Variants in WASF2 observed in about 807,000 individuals in gnomAD.
WASF2 encodes the protein WASP family member 2.
Under a neutral mutation model 45.0 loss-of-function variants are expected in WASF2, and 14 were observed. The observed-to-expected ratio is 0.31, with a 90% CI of 0.21 to 0.49. The LOEUF is 0.49. WASF2 is among the 20% of genes least tolerant of loss of function. WASF2 has a pLI of 0.99. For synonymous variants in WASF2, 200 were observed against 236.3 expected, an observed-to-expected ratio of 0.85 and a Z score of 1.41; for missense variants, 439 against 636.1, an observed-to-expected ratio of 0.69 and a Z score of 3.33.
At chr1:27,462,445 G>A (rs1230289137) in intron 1 of WASF2, among the ~76,000 whole-genome samples, 5 of 151,902 alleles carry the variant, frequency 3.3e-5, no homozygotes, top group African/African-American at 7.3e-5. Flanking sequence ...TCTTTTACCC[G>A]TTGTCTCACT....
chr1:27,467,613 A>G (rs1035202419), intron 1 of WASF2, among the ~76,000 whole-genome samples: 22 of 150,782 alleles, frequency 1.5e-4, no homozygotes, highest in Non-Finnish European at 2.5e-4. Flanking sequence ...AATAAAGTAT[A>G]TTATTAAAAT....
In WASF2 at chr1:27,414,994, T is replaced by G. The variant is rs749693169; in HGVS notation, c.538-31A>C. 1.2e-6 allele frequency: 2 copies of G among 1,608,558 alleles called. No homozygotes were observed. Among genetic ancestry groups the G allele is most frequent in the Non-Finnish European group, 1.7e-6 (2 of 1,177,102 alleles). On this transcript the variant is annotated intron_variant, in intron 5 of 8. Transcript: ENST00000618852. The surrounding 1 kb of genome is among the most constrained non-coding windows in gnomAD (Gnocchi z 4.1). ...ATGAAAAGGAACAGGAAGGTCTTTG[T>G]AGAACATTTTCCAAGTTCTTCATTA...
chr1:27,447,161 T>C (rs1481770108), intron 1 of WASF2, among the ~76,000 whole-genome samples: 3 of 151,968 alleles, frequency 2.0e-5, no homozygotes, highest in Non-Finnish European at 4.4e-5. Flanking sequence ...TGAGTATTAT[T>C]TTAAGATATG....
rs1236874282 is a variant in WASF2 at position 27,405,836 on chromosome 1, G to A, written c.*2353C>T. 6.6e-6 allele frequency: 1 copy of A among 152,416 alleles called. No individual in the cohort carries two copies. The highest frequency in any genetic ancestry group is 1.5e-5 in the Non-Finnish European group (1 of 67,988). 9.4% of individuals were successfully genotyped at this position (152,416 alleles called of 1,614,324 possible). On this transcript the variant is annotated 3_prime_UTR_variant, in exon 9 of 9. Transcript: ENST00000618852. ...AAACCAACTGTAGGATGAGAACATA[G>A]CACATCGAAACCCTAGGAGGTCACT...
At chr1:27,446,755 T>C (rs912515527) in intron 1 of WASF2, among the ~76,000 whole-genome samples, 1 of 143,120 alleles carries the variant, frequency 7.0e-6, no homozygotes. Context: ...CACTCCAGCC[T>C]GGGTGACAGG....
chr1:27,461,345 T>G (rs951738970), intron 1 of WASF2, among the ~76,000 whole-genome samples: 2 of 151,926 alleles, frequency 1.3e-5, no homozygotes, highest in African/African-American at 4.8e-5. Flanking sequence ...ATTAATTAAT[T>G]AATGAATTAA....
intron 7 of WASF2, among the ~76,000 whole-genome samples, chr1:27,411,077 T>G (rs2016755129): frequency 6.6e-6 from 1 of 151,934 alleles, no homozygotes; most frequent in African/African-American, 2.4e-5. Flanking sequence ...AGGAAGTGAT[T>G]TGGGAAGCAG....
At chr1:27,409,428 C>T (rs904852814) in intron 8 of WASF2, among the ~76,000 whole-genome samples, 1 of 43,692 alleles carries the variant, frequency 2.3e-5, no homozygotes, top group Non-Finnish European at 5.9e-5. Flanking sequence ...CTGTCCCCCA[C>T]AAAAAAAAAA....
intron 1 of WASF2, among the ~76,000 whole-genome samples, chr1:27,466,548 A>T (rs1018489517): frequency 1.3e-5 from 2 of 152,218 alleles, no homozygotes; most frequent in Admixed American, 6.5e-5. Context: ...GTAAGTGCAA[A>T]GCACCAACTT....
Position 27,477,671 on chromosome 1 carries a change from G to A in WASF2, c.-44+12315C>T, listed in dbSNP as rs867716578. Among the ~76,000 whole-genome samples the A allele has an allele frequency of 4.0e-4, 42 of 104,316 alleles. 4 individuals are homozygous for A. Among genetic ancestry groups the A allele is most frequent in the East Asian group, 1.9e-3 (4 of 2,074 alleles). 68.4% of individuals were successfully genotyped at this position (104,316 alleles called of 152,430 possible). On this transcript the variant is annotated intron_variant, in intron 1 of 8. Coordinates refer to ENST00000618852, the MANE Select transcript of WASF2 (RefSeq NM_006990.5). Reference sequence around the variant, plus strand: ...TCCCAGCACTTTGGGAGGCCGAGGCGGGCGGATCACGAGGTCAGGAGATCG... The same window carrying A: ...TCCCAGCACTTTGGGAGGCCGAGGCAGGCGGATCACGAGGTCAGGAGATCG...
intron 1 of WASF2, among the ~76,000 whole-genome samples, chr1:27,431,898 G>A (rs751608198): frequency 2.0e-5 from 3 of 152,334 alleles, no homozygotes; most frequent in Middle Eastern, 3.4e-3. Context: ...GAGGGTACTC[G>A]AGAAATAACA....
chr1:27,463,791 T>A (rs2017579620), intron 1 of WASF2, among the ~76,000 whole-genome samples: 1 of 148,544 alleles, frequency 6.7e-6, no homozygotes, highest in Admixed American at 6.7e-5. Context: ...GCCTCCTTTA[T>A]ATTATTATTA....
chr1:27,428,828 A>G lies in WASF2; in HGVS notation c.63T>C (p.Val21=), dbSNP rs1456175483. Residue 21 remains valine, a synonymous_variant, in exon 2 of 9, where the codon GTT becomes GTC. Transcript: ENST00000618852. ...TGGTCACGCATTCCAGCTCGCTTCT[A>G]ACGCTAGGCAACGTCTGACGGCACA... ...RHLCRQTLPS[V]RSELECVTNI... The G allele has an allele frequency of 1.9e-6, 3 of 1,614,182 alleles. No homozygotes were observed. The Admixed American group carries it at 5.0e-5, about 27-fold the overall frequency.
At chr1:27,429,740 C>G (rs913092759) in intron 1 of WASF2, among the ~76,000 whole-genome samples, 1 of 149,444 alleles carries the variant, frequency 6.7e-6, no homozygotes, top group Non-Finnish European at 1.5e-5. Context: ...TGCGCCATTG[C>G]ACTCCAGCCT....
intron 1 of WASF2, among the ~76,000 whole-genome samples, chr1:27,486,333 C>CT (rs561270028): frequency 4.4e-4 from 67 of 151,344 alleles, no homozygotes; most frequent in African/African-American, 1.4e-3. Flanking sequence ...GTCCCAAGAA[C>CT]TTTTTTTTTG....
In WASF2 at chr1:27,414,553, C is replaced by T. The variant is rs1031340418; in HGVS notation, c.668+280G>A. Among the ~76,000 whole-genome samples the T allele has an allele frequency of 6.6e-6, 1 of 152,150 alleles. No homozygotes were observed. The highest frequency in any genetic ancestry group is 2.4e-5 in the African/African-American group (1 of 41,438). ...TCCCTTTCCAATCTTTCCTCTGGGG[C>T]CCTTAGATGTGTATCTCGCAGAGTA... On this transcript the variant is annotated intron_variant, in intron 6 of 8. Transcript: ENST00000618852. The surrounding 1 kb of genome is among the most constrained non-coding windows in gnomAD (Gnocchi z 4.1).
chr1:27,479,121 C>T (rs1472452950), intron 1 of WASF2, among the ~76,000 whole-genome samples: 1 of 151,788 alleles, frequency 6.6e-6, no homozygotes, highest in Admixed American at 6.6e-5. Context: ...CCCGTCTCTA[C>T]TAAAAATACA....
chr1:27,413,910 T>C (rs2016796027), intron 6 of WASF2, among the ~76,000 whole-genome samples: 1 of 152,216 alleles, frequency 6.6e-6, no homozygotes, highest in East Asian at 1.9e-4. Context: ...TTTCACCATC[T>C]TCATCACTCT....
intron 1 of WASF2, among the ~76,000 whole-genome samples, chr1:27,472,055 A>G (rs2017695848): frequency 6.6e-6 from 1 of 152,132 alleles, no homozygotes. Context: ...AATCAGGGCC[A>G]GGCGCGGTGG....
Sources: allele counts gnomAD v4.1 joint callset (sites outside exome capture counted in the v4.1 genomes callset), GRCh38; gene constraint gnomAD v4.1.1; non-coding constraint Gnocchi (gnomAD v3.1); transcripts MANE v1.5; gene names NCBI Gene and HGNC (gene_info 2026-07-23, HGNC 2026-07-21).